VPS53: variants seen among roughly 807,000 people sequenced by gnomAD.
VPS53 encodes the protein VPS53 subunit of GARP complex.
In VPS53, 70 loss-of-function variants were observed where a neutral mutation model predicts 107.0. The ratio of observed to expected loss-of-function variants is 0.65; its 90% CI spans 0.54 to 0.80. VPS53 has a LOEUF of 0.80. Ranked by LOEUF, VPS53 falls within the 30% of genes least tolerant of loss-of-function variation. The pLI is 0.00. For synonymous variants in VPS53, 409 were observed against 393.3 expected (o/e 1.04, Z -0.47); for missense variants, 917 against 1,049.4 (o/e 0.87, Z 1.74).
chr17:550,631 C>T (rs1280345763), intron 17 of VPS53, among the ~76,000 whole-genome samples: 1 of 152,112 alleles, frequency 6.6e-6, no homozygotes, highest in African/African-American at 2.4e-5. Context: ...TTGGGTTTAG[C>T]ATAACAAAGG....
chr17:641,040 GA>G (rs1308256949), intron 7 of VPS53, among the ~76,000 whole-genome samples: 1 of 152,090 alleles, frequency 6.6e-6, no homozygotes, highest in Non-Finnish European at 1.5e-5. Flanking sequence ...ATTTTTAGTA[GA>G]GACAGGGTTT....
intron 15 of VPS53, among the ~76,000 whole-genome samples, chr17:559,251 T>C (rs1362392759): frequency 6.6e-6 from 1 of 152,218 alleles, no homozygotes; most frequent in African/African-American, 2.4e-5. Context: ...AATATGATTA[T>C]TTGAGGATGA....
At chr17:583,177 C>T (rs1003653888) in intron 13 of VPS53, among the ~76,000 whole-genome samples, 2 of 151,328 alleles carry the variant, frequency 1.3e-5, no homozygotes, top group African/African-American at 4.9e-5. Flanking sequence ...AAAGAACTTC[C>T]CTCAGAACCT....
chr17:698,649 G>A (rs1026097996), intron 3 of VPS53, among the ~76,000 whole-genome samples: 2 of 151,630 alleles, frequency 1.3e-5, no homozygotes, highest in African/African-American at 4.9e-5. Flanking sequence ...GCTGCAGTGA[G>A]CTGTAACTGC....
At chr17:713,619 T>G (rs1189517312) in intron 1 of VPS53, among the ~76,000 whole-genome samples, 2 of 149,980 alleles carry the variant, frequency 1.3e-5, no homozygotes, top group African/African-American at 4.9e-5. Context: ...ACCCCTACAC[T>G]CCAACCTGGG....
At chr17:669,800 G>A (rs899852645) in intron 4 of VPS53, among the ~76,000 whole-genome samples, 2 of 151,614 alleles carry the variant, frequency 1.3e-5, no homozygotes, top group East Asian at 1.9e-4. Context: ...GCTGAGGCAG[G>A]AGAATCACTT....
chr17:634,597 C>G (rs537244207), intron 7 of VPS53, among the ~76,000 whole-genome samples: 135 of 143,234 alleles, frequency 9.4e-4, no homozygotes, highest in African/African-American at 3.4e-3. Context: ...TTCCTGTGTC[C>G]AAGTGTTCTC....
chr17:681,067 A>T (rs1567735381), intron 4 of VPS53, among the ~76,000 whole-genome samples: 1 of 152,238 alleles, frequency 6.6e-6, no homozygotes, highest in African/African-American at 2.4e-5. Flanking sequence ...GTTAGCATAA[A>T]TTACATGTTT....
rs942891998 is a variant in VPS53 at position 524,849 on chromosome 17, G to A, written c.2086-3111C>T. Among the ~76,000 whole-genome samples, 1 of 152,226 alleles carries A rather than the reference G, an allele frequency of 6.6e-6. No homozygotes were observed. The highest frequency in any genetic ancestry group is 2.4e-5 in the African/African-American group (1 of 41,464). ...GGCCACACTGAAATTCAGACTAGTG[G>A]TGACAGTAGAAGTTAGTTCAAGCAC... On this transcript the variant is annotated intron_variant, in intron 19 of 21. Transcript: ENST00000437048. This position sits in a 1 kb window ranked among gnomAD's most constrained non-coding sequence, Gnocchi z 4.5.
At chr17:687,878 A>C (rs1972645966) in intron 4 of VPS53, among the ~76,000 whole-genome samples, 1 of 152,248 alleles carries the variant, frequency 6.6e-6, no homozygotes, top group Admixed American at 6.5e-5. Flanking sequence ...AGATAACAGC[A>C]GAGACAAAAT....
Position 520,235 on chromosome 17 carries a change from C to A in VPS53, c.2224-305G>T, listed in dbSNP as rs532066109. Among the ~76,000 whole-genome samples, 2 of 152,122 alleles carry A rather than the reference C, an allele frequency of 1.3e-5. No individual in the cohort carries two copies. Among genetic ancestry groups the A allele is most frequent in the Non-Finnish European group, 2.9e-5 (2 of 68,016 alleles). Reference sequence around the variant, plus strand: ...CGCTGCTGTTTGAAGTATGGGTTTCCGGGGCCCTCCTCTAAAGACTCTAAT... The same window carrying A: ...CGCTGCTGTTTGAAGTATGGGTTTCAGGGGCCCTCCTCTAAAGACTCTAAT... On this transcript the variant is annotated intron_variant, in intron 20 of 21. Transcript: ENST00000437048. This position sits in a 1 kb window ranked among gnomAD's most constrained non-coding sequence, Gnocchi z 4.4.
chr17:687,831 A>T (rs1597488592), intron 4 of VPS53, among the ~76,000 whole-genome samples: 2 of 152,304 alleles, frequency 1.3e-5, no homozygotes, highest in East Asian at 3.9e-4. Context: ...TCTCCATGTC[A>T]CAGATGGAAA....
chr17:530,118 C>T (rs1909425008), intron 19 of VPS53, among the ~76,000 whole-genome samples: 1 of 151,082 alleles, frequency 6.6e-6, no homozygotes, highest in African/African-American at 2.4e-5. Context: ...TTCCTTATAG[C>T]CAGCAACCTT....
At chr17:557,341 T>C (rs950525103) in intron 15 of VPS53, among the ~76,000 whole-genome samples, 3 of 152,176 alleles carry the variant, frequency 2.0e-5, no homozygotes, top group African/African-American at 7.2e-5. Flanking sequence ...AGTCATTAGA[T>C]AAGGCCCCCC....
At chr17:593,204 C>A (rs937587933) in intron 12 of VPS53, among the ~76,000 whole-genome samples, 2 of 151,926 alleles carry the variant, frequency 1.3e-5, no homozygotes, top group African/African-American at 2.4e-5. Flanking sequence ...ACCATAAAAA[C>A]CCTAGAAGAA....
intron 2 of VPS53, among the ~76,000 whole-genome samples, chr17:701,714 G>A (rs1170517943): frequency 1.3e-5 from 2 of 151,704 alleles, no homozygotes; most frequent in South Asian, 2.1e-4. Context: ...ATGATAGCAA[G>A]TATTTTTATA....
rs1241623024 is a variant in VPS53, at chr17:571,561, CCT to C, written c.1314-8818_1314-8817del. On this transcript the variant is annotated intron_variant, in intron 13 of 21. Transcript: ENST00000437048. ...TCCCTCTCCCCACGGTCTCCCTCTC[CCT>C]CTCTTTCCACGGTCTCCCTCTGATG... 4.1e-5 allele frequency among the ~76,000 whole-genome samples: 6 copies of C among 146,542 alleles called. No homozygotes were observed. The East Asian group carries it at 1.2e-3, about 29-fold the overall frequency.
intron 13 of VPS53, among the ~76,000 whole-genome samples, chr17:577,050 C>T (rs1160818440): frequency 6.7e-6 from 1 of 150,308 alleles, no homozygotes; most frequent in African/African-American, 2.5e-5. Flanking sequence ...AGTGCGTTCC[C>T]AGAGAACCTC....
intron 4 of VPS53, among the ~76,000 whole-genome samples, chr17:662,728 G>T (rs923360535): frequency 6.7e-5 from 4 of 59,402 alleles, no homozygotes; most frequent in Non-Finnish European, 1.9e-4. Flanking sequence ...AAAGAAGAAG[G>T]GAGAGAAAGA....
Sources: gnomAD v4.1 joint callset for allele counts (sites outside exome capture counted in the v4.1 genomes callset) on GRCh38, gnomAD v4.1.1 for gene constraint, Gnocchi (gnomAD v3.1) non-coding constraint, MANE v1.5 for transcripts, NCBI Gene and HGNC (gene_info 2026-07-23, HGNC 2026-07-21) for gene names.